The following WASF2 variants were observed in gnomAD, a reference collection of about 807,000 sequenced individuals.
WASF2 encodes the protein actin-binding protein WASF2.
In WASF2, 14 loss-of-function variants were observed where a neutral mutation model predicts 45.0. The ratio of observed to expected loss-of-function variants is 0.31; its 90% CI spans 0.21 to 0.49. The LOEUF (loss-of-function observed/expected upper bound fraction) is 0.49. WASF2 is among the 20% of genes least tolerant of loss of function. The probability of loss-of-function intolerance (pLI) is 0.99; values close to 1 mark genes in which losing one functional copy is unlikely to be tolerated. For missense variants in WASF2, 439 were observed against 636.1 expected (o/e 0.69, Z 3.33); for synonymous variants, 200 against 236.3 (o/e 0.85, Z 1.41).
chr1:27,445,850 T>TA (rs988966267), intron 1 of WASF2, among the ~76,000 whole-genome samples: 2 of 151,984 alleles, frequency 1.3e-5, no homozygotes, highest in Admixed American at 6.6e-5. Flanking sequence ...CTTTTTTTTT[T>TA]TTTTTAAAGC....
intron 1 of WASF2, among the ~76,000 whole-genome samples, chr1:27,473,613 C>T (rs746490297): frequency 6.6e-6 from 1 of 151,984 alleles, no homozygotes; most frequent in Non-Finnish European, 1.5e-5. Context: ...TTAAGCAAAA[C>T]AATGTATAAC....
intron 1 of WASF2, among the ~76,000 whole-genome samples, chr1:27,482,834 C>G (rs996777385): frequency 3.3e-5 from 5 of 152,154 alleles, no homozygotes. Flanking sequence ...TCCTCTATTG[C>G]TCCACCACTC....
At chr1:27,435,826 A>AC (rs2017130108) in intron 1 of WASF2, among the ~76,000 whole-genome samples, 1 of 152,246 alleles carries the variant, frequency 6.6e-6, no homozygotes, top group South Asian at 2.1e-4. Flanking sequence ...TGACAAATAA[A>AC]CAATGCTACA....
At chr1:27,456,998 C>G (rs1207603092) in intron 1 of WASF2, among the ~76,000 whole-genome samples, 1 of 151,760 alleles carries the variant, frequency 6.6e-6, no homozygotes, top group Non-Finnish European at 1.5e-5. Context: ...CGTCTCGGCC[C>G]CCCAAAGTGC....
intron 2 of WASF2, among the ~76,000 whole-genome samples, chr1:27,428,033 A>T (rs1318544196): frequency 6.6e-6 from 1 of 152,156 alleles, no homozygotes; most frequent in Non-Finnish European, 1.5e-5. Context: ...CAATTAAAAA[A>T]ATATATATAG....
At chr1:27,471,161 C>T (rs1373004194) in intron 1 of WASF2, among the ~76,000 whole-genome samples, 1 of 151,752 alleles carries the variant, frequency 6.6e-6, no homozygotes, top group Non-Finnish European at 1.5e-5. Context: ...CGGCTAAAAA[C>T]AGTGAAACCC....
At chr1:27,429,500 G>A (rs1182282283) in intron 1 of WASF2, among the ~76,000 whole-genome samples, 1 of 152,210 alleles carries the variant, frequency 6.6e-6, no homozygotes, top group African/African-American at 2.4e-5. Context: ...ACTAGGCCGG[G>A]CATGGTGGCT....
chr1:27,420,356 G>T (rs2016888335), intron 2 of WASF2, among the ~76,000 whole-genome samples: 1 of 152,006 alleles, frequency 6.6e-6, no homozygotes, highest in Admixed American at 6.6e-5. Flanking sequence ...TTTAGAAAAA[G>T]AAAAGTTCCG....
intron 1 of WASF2, chr1:27,459,668 A>G (rs1256356320): frequency 4.6e-5 from 7 of 152,228 alleles, no homozygotes; most frequent in Non-Finnish European, 2.9e-5. Flanking sequence ...GTGGTTTAAA[A>G]AAAACTTATG....
chr1:27,453,040 T>A (rs1048213903), intron 1 of WASF2, among the ~76,000 whole-genome samples: 2 of 145,942 alleles, frequency 1.4e-5, no homozygotes, highest in African/African-American at 5.1e-5. Context: ...ACCCCATCAC[T>A]ACTAAAAATA....
intron 1 of WASF2, among the ~76,000 whole-genome samples, chr1:27,477,413 G>A (rs534474477): frequency 8.5e-5 from 13 of 152,184 alleles, no homozygotes; most frequent in African/African-American, 3.1e-4. Context: ...GTTGACACAT[G>A]CCTACAATCC....
At chr1:27,455,875 AACACGAAG>A (rs1170332170) in intron 1 of WASF2, among the ~76,000 whole-genome samples, 4 of 152,242 alleles carry the variant, frequency 2.6e-5, no homozygotes, top group African/African-American at 9.6e-5. Flanking sequence ...TTACAGTTGG[AACACGAAG>A]ACTGTGAGCT....
intron 1 of WASF2, among the ~76,000 whole-genome samples, chr1:27,478,165 C>A (rs1198665775): frequency 6.7e-6 from 1 of 150,370 alleles, no homozygotes; most frequent in African/African-American, 2.5e-5. Flanking sequence ...AGCCGAGATC[C>A]TGCCACTGCA....
chr1:27,433,947 C>G (rs989758495), intron 1 of WASF2, among the ~76,000 whole-genome samples: 3 of 152,172 alleles, frequency 2.0e-5, no homozygotes, highest in South Asian at 2.1e-4. Context: ...TTTATGGAAT[C>G]TGTGAAGGTC....
chr1:27,467,451 C>A (rs890727404), intron 1 of WASF2, among the ~76,000 whole-genome samples: 1 of 149,790 alleles, frequency 6.7e-6, no homozygotes, highest in South Asian at 2.1e-4. Context: ...CAGGCACCTG[C>A]CACCACGCCC....
chr1:27,429,428 A>G (rs1165595933), intron 1 of WASF2, among the ~76,000 whole-genome samples: 3 of 152,240 alleles, frequency 2.0e-5, no homozygotes, highest in Non-Finnish European at 4.4e-5. Context: ...AGTGATTGAT[A>G]TACATCAGGA....
chr1:27,453,926 C>G (rs570763736), intron 1 of WASF2, among the ~76,000 whole-genome samples: 1 of 151,792 alleles, frequency 6.6e-6, no homozygotes, highest in Admixed American at 6.6e-5. Flanking sequence ...AGCCTTAAAG[C>G]CCCCTGCATA....
Position 27,445,822 on chromosome 1 carries a change from A to G in WASF2, c.-43-16889T>C, listed in dbSNP as rs549085744. Among the ~76,000 whole-genome samples the G allele has an allele frequency of 2.0e-5, 3 of 150,970 alleles. No homozygotes were observed. In the East Asian group the frequency reaches 5.8e-4, roughly 29 times the overall value. On this transcript the variant is annotated intron_variant, in intron 1 of 8. Coordinates refer to ENST00000618852, the MANE Select transcript of WASF2 (RefSeq NM_006990.5). The stretch of plus-strand genomic sequence containing the variant: ...AGTTTCATTCTCTGTTTAGCTCATC[A>G]AATCTTCTCATCAGGGACTTTTTTT...
intron 1 of WASF2, among the ~76,000 whole-genome samples, chr1:27,439,907 G>A (rs769960200): frequency 7.9e-5 from 12 of 152,172 alleles, no homozygotes; most frequent in Non-Finnish European, 1.8e-4. Flanking sequence ...AGCTGAGGCA[G>A]GAGAATCACT....
Sources: allele counts gnomAD v4.1 joint callset (sites outside exome capture counted in the v4.1 genomes callset), GRCh38; gene constraint gnomAD v4.1.1; transcripts MANE v1.5; gene names NCBI Gene and HGNC (gene_info 2026-07-23, HGNC 2026-07-21).